Variants in DLG2 observed in about 807,000 individuals in gnomAD.
DLG2 encodes the protein disks large homolog 2.
Under a neutral mutation model 132.5 loss-of-function variants are expected in DLG2, and 45 were observed. That is an observed-to-expected ratio of 0.34 (90% CI 0.27 to 0.44). The LOEUF (loss-of-function observed/expected upper bound fraction) is 0.44. Ranked by LOEUF, DLG2 falls within the 20% of genes least tolerant of loss-of-function variation. DLG2 has a pLI of 1.00. For synonymous variants in DLG2, 424 were observed against 419.6 expected (o/e 1.01, Z -0.13); for missense variants, 1,045 against 1,196.9 (o/e 0.87, Z 1.87).
chr11:83,647,280 C>CG (rs927873102), intron 18 of DLG2, among the ~76,000 whole-genome samples: 7 of 95,322 alleles, frequency 7.3e-5, no homozygotes, highest in Admixed American at 2.8e-4. Context: ...AGGGTGGGGG[C>CG]GGGGGTATGT....
intron 3 of DLG2, among the ~76,000 whole-genome samples, chr11:85,421,219 A>G (rs2090281075): frequency 2.0e-5 from 3 of 151,954 alleles, no homozygotes; most frequent in Admixed American, 2.0e-4. Context: ...GCAAGAGGAG[A>G]GAGTTCCCTG....
At chr11:84,731,137 A>G (rs1341552390) in intron 6 of DLG2, among the ~76,000 whole-genome samples, 3 of 152,212 alleles carry the variant, frequency 2.0e-5, no homozygotes, top group South Asian at 2.1e-4. Context: ...AAGGACTGTC[A>G]ATCTCAAATG....
chr11:84,567,858 T>A (rs913592818), intron 6 of DLG2, among the ~76,000 whole-genome samples: 1 of 152,152 alleles, frequency 6.6e-6, no homozygotes, highest in African/African-American at 2.4e-5. Flanking sequence ...AACACCTGTG[T>A]GGCTCTACAC....
chr11:85,044,902 G>A (rs1036930592), intron 6 of DLG2, among the ~76,000 whole-genome samples: 7 of 151,958 alleles, frequency 4.6e-5, no homozygotes, highest in Non-Finnish European at 7.4e-5. Flanking sequence ...AAGTAAATGG[G>A]AAATAAGTTA....
intron 6 of DLG2, among the ~76,000 whole-genome samples, chr11:84,937,047 G>C (rs1010536948): frequency 1.3e-5 from 2 of 152,116 alleles, no homozygotes; most frequent in Non-Finnish European, 2.9e-5. Flanking sequence ...AGCTATTCAG[G>C]AGGCTAAGGC....
chr11:85,132,553 C>T (rs1167444800), intron 5 of DLG2, among the ~76,000 whole-genome samples: 1 of 152,124 alleles, frequency 6.6e-6, no homozygotes, highest in Non-Finnish European at 1.5e-5. Flanking sequence ...AATTCTCCTT[C>T]CATTTGCACA....
intron 6 of DLG2, among the ~76,000 whole-genome samples, chr11:84,916,961 C>T (rs1485051829): frequency 6.6e-6 from 1 of 152,206 alleles, no homozygotes; most frequent in African/African-American, 2.4e-5. Context: ...GTGAGACCTT[C>T]ACTAACCATC....
At chr11:85,120,563 A>C (rs1007940816) in intron 5 of DLG2, among the ~76,000 whole-genome samples, 2 of 152,014 alleles carry the variant, frequency 1.3e-5, no homozygotes, top group Admixed American at 1.3e-4. Flanking sequence ...TATCCTTGTA[A>C]TGTCCTATTT....
At chr11:83,731,885 C>T (rs2091075709) in intron 18 of DLG2, among the ~76,000 whole-genome samples, 1 of 152,194 alleles carries the variant, frequency 6.6e-6, no homozygotes, top group Non-Finnish European at 1.5e-5. Flanking sequence ...GCTATACCAC[C>T]AGAAAGGGTT....
At chr11:83,571,420 C>T (rs980047255) in intron 19 of DLG2, among the ~76,000 whole-genome samples, 4 of 151,768 alleles carry the variant, frequency 2.6e-5, no homozygotes, top group Non-Finnish European at 5.9e-5. Flanking sequence ...CAAACGTTGT[C>T]CATCGCTGTT....
intron 3 of DLG2, among the ~76,000 whole-genome samples, chr11:85,357,888 T>C (rs1263717661): frequency 6.6e-6 from 1 of 151,426 alleles, no homozygotes; most frequent in African/African-American, 2.4e-5. Context: ...GGAAGGATAA[T>C]CTATCATCAC....
At chr11:85,204,809 T>C (rs2081747312) in intron 4 of DLG2, among the ~76,000 whole-genome samples, 1 of 151,884 alleles carries the variant, frequency 6.6e-6, no homozygotes. Context: ...AACCAAAACA[T>C]CATGGTACTG....
intron 18 of DLG2, among the ~76,000 whole-genome samples, chr11:83,666,383 G>A (rs1047174727): frequency 3.3e-5 from 5 of 152,238 alleles, no homozygotes; most frequent in Non-Finnish European, 5.9e-5. Context: ...TGCTGCCTGA[G>A]CTCCACCTCC....
At chr11:83,492,860 TC>T (rs2093936325) in intron 21 of DLG2, among the ~76,000 whole-genome samples, 1 of 152,072 alleles carries the variant, frequency 6.6e-6, no homozygotes, top group African/African-American at 2.4e-5. Context: ...CAGCTGGTGT[TC>T]CTGCTTCCAC....
chr11:84,435,831 G>T (rs932484812), intron 7 of DLG2, among the ~76,000 whole-genome samples: 1 of 151,980 alleles, frequency 6.6e-6, no homozygotes, highest in African/African-American at 2.4e-5. Flanking sequence ...TTGGGTCCAG[G>T]CTTGAAATAA....
chr11:84,126,181 T>G (rs2094162683), intron 9 of DLG2, among the ~76,000 whole-genome samples: 1 of 152,196 alleles, frequency 6.6e-6, no homozygotes, highest in East Asian at 1.9e-4. Context: ...GATGAAGAAA[T>G]GGAGGCAGCA....
At chr11:83,530,225 T>C (rs1329655375) in intron 21 of DLG2, among the ~76,000 whole-genome samples, 1 of 152,126 alleles carries the variant, frequency 6.6e-6, no homozygotes, top group Non-Finnish European at 1.5e-5. Flanking sequence ...AAGGACTTTA[T>C]GTCATGATGT....
intron 18 of DLG2, among the ~76,000 whole-genome samples, chr11:83,633,743 AAC>A (rs35932645): frequency 0.21 from 29,423 of 143,094 alleles, 3,148 homozygotes; most frequent in Non-Finnish European, 0.25. Flanking sequence ...CACAGAACTA[AAC>A]ACACACACAC....
chr11:83,809,592 C>T (rs1433218189), intron 17 of DLG2, among the ~76,000 whole-genome samples: 3 of 152,202 alleles, frequency 2.0e-5, no homozygotes, highest in African/African-American at 7.2e-5. Context: ...TGCTCCTGAA[C>T]TGACCCTTAG....
Sources: allele counts gnomAD v4.1 joint callset (sites outside exome capture counted in the v4.1 genomes callset), GRCh38; gene constraint gnomAD v4.1.1; transcripts MANE v1.5; gene names NCBI Gene and HGNC (gene_info 2026-07-23, HGNC 2026-07-21).